SEC16B: variants seen among roughly 807,000 people sequenced by gnomAD.
SEC16B encodes the protein protein transport protein Sec16B.
A neutral mutation model predicts 141.8 loss-of-function variants in SEC16B; 115 were observed. The ratio of observed to expected loss-of-function variants is 0.81; its 90% CI spans 0.70 to 0.95. The LOEUF is 0.95. Among genes scored for constraint, SEC16B ranks in the 40% least tolerant of loss-of-function variants. The pLI, the probability that SEC16B is intolerant of heterozygous loss-of-function variation, is 0.00. For missense variants in SEC16B, 1,291 were observed against 1,312.3 expected, an observed-to-expected ratio of 0.98 and a Z score of 0.25; for synonymous variants, 493 against 492.5, an observed-to-expected ratio of 1.00 and a Z score of -0.01.
At chr1:177,968,405 T>C (rs1653723760) in intron 1 of SEC16B, among the ~76,000 whole-genome samples, 1 of 152,190 alleles carries the variant, frequency 6.6e-6, no homozygotes, top group Non-Finnish European at 1.5e-5. Flanking sequence ...GCGGAGGCCC[T>C]GTGGTATCAT....
At chr1:177,967,595 AAAAT>A in intron 2 of SEC16B, 84 bp downstream of exon 2, 1 of 1,350,278 alleles carries the variant, frequency 7.4e-7, no homozygotes, top group Non-Finnish European at 1.0e-6. Context: ...AAGGGGGAGA[AAAAT>A]AAAAGGAAAA....
intron 1 of SEC16B, among the ~76,000 whole-genome samples, chr1:177,969,553 C>G (rs913074671): frequency 6.6e-6 from 1 of 152,154 alleles, no homozygotes; most frequent in African/African-American, 2.4e-5. Context: ...TGAGAAGAAA[C>G]CTGCTTTCTC....
chr1:177,960,193 T>C (rs1275044042), intron 8 of SEC16B, 149 bp downstream of exon 8: 2 of 636,464 alleles, frequency 3.1e-6, no homozygotes, highest in African/African-American at 3.7e-5. Context: ...CACATCTGGT[T>C]CTATCTTGCA....
rs1364060110 is a variant in SEC16B at position 177,964,201 on chromosome 1, C to A, written c.612G>T (p.Gly204=). The A allele has an allele frequency of 6.2e-7, 1 of 1,613,464 alleles. No individual in the cohort carries two copies. Among genetic ancestry groups the A allele is most frequent in the Non-Finnish European group, 8.5e-7 (1 of 1,179,684 alleles). ...GQEWPGELFP[G]SLLAEAQKNK... ...TTTTCTGGGCCTCAGCAAGCAGGCT[C>A]CCTGGAAACAGCTCCCCCGGCCACT... The change falls in exon 5 of 26, where the codon GGG becomes GGT. Residue 204 remains glycine (G), a synonymous_variant. Coordinates refer to ENST00000308284, the MANE Select transcript of SEC16B (RefSeq NM_033127.4).
Position 177,932,503 on chromosome 1 carries a change from A to G in SEC16B, c.2999T>C (p.Leu1000Ser), listed in dbSNP as rs139804679. ...GGGGCCGCTTACCTCTGGTCCAGAC[A>G]AGCCTCCAACCCCAGCGCCCGCAGC... is the stretch of plus-strand genomic sequence containing the variant. ...GAAAGAGVGG[L>S]SGPESVSFEL... Residue 1000 changes from leucine to serine, a missense_variant, in exon 24 of 26, where the codon TTG (leucine) becomes TCG (serine). Leu to Ser is a moderately radical substitution (Grantham distance 145, BLOSUM62 -2). Transcript: ENST00000308284. 3.5e-4 allele frequency: 534 copies of G among 1,546,762 alleles called. 3 individuals carry two copies. The African/African-American group carries it at 6.5e-3, about 19-fold the overall frequency.
chr1:177,960,490 G>T, intron 7 of SEC16B, 87 bp from the exon 8 acceptor site: 1 of 946,166 alleles, frequency 1.1e-6, no homozygotes, highest in Non-Finnish European at 1.7e-6. Flanking sequence ...CCCCAAGGCC[G>T]TGGGGCTAGG....
rs371686934 is a variant in SEC16B at position 177,967,796 on chromosome 1, G to C, written c.186C>G (p.Pro62=). The C allele has an allele frequency of 2.5e-6, 4 of 1,613,866 alleles. No homozygotes were observed. Among genetic ancestry groups the C allele is most frequent in the South Asian group, 1.1e-5 (1 of 91,078 alleles). ...NRGSPQPQQE[P]RADHQQQPHY... ...GGGGCTGCTGCTGATGGTCTGCCCT[G>C]GGCTCCTGCTGTGGCTGGGGGCTCC... is the stretch of plus-strand genomic sequence containing the variant. The change falls in exon 2 of 26, where the codon CCC becomes CCG. Residue 62 remains proline, a synonymous_variant. Transcript: ENST00000308284.
At chr1:177,981,977 G>A (rs1571367132) in intron 1 of SEC16B, among the ~76,000 whole-genome samples, 1 of 152,324 alleles carries the variant, frequency 6.6e-6, no homozygotes, top group African/African-American at 2.4e-5. Context: ...GAAGAGCACA[G>A]ACTTCAAAAT....
At position 177,961,193 on chromosome 1, in the gene SEC16B, A is replaced by C; in HGVS notation, c.788-254T>G. ...GATAATGCTCTCAGCCCAGACTCTC[A>C]GTGATGCTGAGAGGCCAAGGAGTCT... On this transcript the variant is annotated intron_variant, in intron 6 of 25. Coordinates refer to ENST00000308284, the MANE Select transcript of SEC16B (RefSeq NM_033127.4). 1.5e-5 allele frequency: 7 copies of C among 480,330 alleles called. No individual in the cohort carries two copies. The South Asian group carries it at 1.9e-4, about 13-fold the overall frequency. The allele number at this position is 480,330 out of a possible 1,614,324, so 29.8% of individuals were successfully genotyped here.
At chr1:177,964,307 C>T (rs1291728550) in intron 4 of SEC16B, 28 bp from the exon 5 acceptor site, 37 of 1,563,918 alleles carry the variant, frequency 2.4e-5, no homozygotes, top group East Asian at 6.8e-5. Flanking sequence ...GAGCAGTGAG[C>T]GGGGTCCTGG....
intron 7 of SEC16B, 127 bp from the exon 8 acceptor site, chr1:177,960,530 G>C (rs1205664827): frequency 1.3e-6 from 1 of 757,304 alleles, no homozygotes. Flanking sequence ...GGAGAAAGCA[G>C]AAAGAAAAAA....
At position 177,967,742 on chromosome 1, in the gene SEC16B, A is replaced by G; in HGVS notation, c.240T>C (p.His80=). 1 of 1,613,648 alleles carries G rather than the reference A, an allele frequency of 6.2e-7. No homozygotes were observed. The highest frequency in any genetic ancestry group is 8.5e-7 in the Non-Finnish European group (1 of 1,179,582). Residue 80 remains histidine (H), a synonymous_variant, in exon 2 of 26, where the codon CAT becomes CAC. Coordinates refer to ENST00000308284, the MANE Select transcript of SEC16B (RefSeq NM_033127.4). ...AATAGTCAACTCCAGACACAGGCTG[A>G]TGCCAGTCCCCTGGCCTGGATGCAT... ...PHYASRPGDW[H]QPVSGVDYYE...
rs1490599356 is a variant in SEC16B, at chr1:177,961,581, A to G, written c.787+9T>C. 6.2e-7 allele frequency: 1 copy of G among 1,602,188 alleles called. No individual in the cohort carries two copies. Among genetic ancestry groups the G allele is most frequent in the Admixed American group, 1.8e-5 (1 of 55,932 alleles). On this transcript the variant is annotated intron_variant, in intron 6 of 25. Coordinates refer to ENST00000308284, the MANE Select transcript of SEC16B (RefSeq NM_033127.4). ...TTCAATCAACTCTTCTGATCATTTT[A>G]GAACCCACCAGCCTGAACTGGACTC... is the stretch of plus-strand genomic sequence containing the variant.
At chr1:177,960,278 A>G (rs1311754039) in intron 8 of SEC16B, 64 bp downstream of exon 8, 1 of 1,058,888 alleles carries the variant, frequency 9.4e-7, no homozygotes, top group African/African-American at 1.6e-5. Context: ...CAAAATGCTG[A>G]TCTGGGCAGG....
In SEC16B at chr1:177,929,749, C is replaced by T. The variant is rs972027882; in HGVS notation, c.*109G>A. 6.3e-6 allele frequency: 8 copies of T among 1,260,254 alleles called. No homozygotes were observed. In the Admixed American group the frequency reaches 1.2e-4, roughly 19 times the overall value. The allele number at this position is 1,260,254 out of a possible 1,614,324, so 78.1% of individuals were successfully genotyped here. On this transcript the variant is annotated 3_prime_UTR_variant, in exon 26 of 26. Coordinates refer to ENST00000308284, the MANE Select transcript of SEC16B (RefSeq NM_033127.4). ...GTGCCCGGTGGAGGCATCGGGCTAGCACAAACCTCTTGAGGGTCCCAATAT... is the reference window on the plus strand; with the variant it reads ...GTGCCCGGTGGAGGCATCGGGCTAGTACAAACCTCTTGAGGGTCCCAATAT...
At chr1:177,955,496 G>A (rs1466205788) in intron 10 of SEC16B, among the ~76,000 whole-genome samples, 2 of 152,106 alleles carry the variant, frequency 1.3e-5, no homozygotes, top group African/African-American at 4.8e-5. Flanking sequence ...TACAGGCCAT[G>A]CCATCATGCC....
At chr1:177,979,579 A>G (rs1934650) in intron 1 of SEC16B, among the ~76,000 whole-genome samples, 21,030 of 152,298 alleles carry the variant, frequency 0.14, 1,809 homozygotes, top group East Asian at 0.42. Context: ...CCAAAAAACC[A>G]AATTCAAATT....
intron 4 of SEC16B, among the ~76,000 whole-genome samples, chr1:177,964,632 T>C (rs1256041908): frequency 2.0e-5 from 3 of 152,172 alleles, no homozygotes; most frequent in African/African-American, 7.2e-5. Flanking sequence ...CTTCCCTGTC[T>C]TGTCTTACCA....
Position 177,944,971 on chromosome 1 carries a change from C to A in SEC16B, c.1776-305G>T, listed in dbSNP as rs553533029. Among the ~76,000 whole-genome samples, 5 of 152,282 alleles carry A rather than the reference C, an allele frequency of 3.3e-5. No individual in the cohort carries two copies. The East Asian group carries it at 9.7e-4, about 29-fold the overall frequency. ...CTTCTTGCTGAAGGGTAACTCAAGG[C>A]AGGCTACCTCGAAGGACACTGGGCC... On this transcript the variant is annotated intron_variant, in intron 14 of 25. Coordinates refer to ENST00000308284, the MANE Select transcript of SEC16B (RefSeq NM_033127.4).
Sources: gnomAD v4.1 joint callset for allele counts (sites outside exome capture counted in the v4.1 genomes callset) on GRCh38, gnomAD v4.1.1 for gene constraint, MANE v1.5 for transcripts, NCBI Gene and HGNC (gene_info 2026-07-23, HGNC 2026-07-21) for gene names.